The following POLL variants were observed in gnomAD, a reference collection of about 807,000 sequenced individuals.
POLL encodes the protein DNA polymerase lambda.
In POLL, 44 loss-of-function variants were observed where a neutral mutation model predicts 58.1. The ratio of observed to expected loss-of-function variants is 0.76; its 90% CI spans 0.60 to 0.97. The LOEUF (loss-of-function observed/expected upper bound fraction) is 0.97. Among genes scored for constraint, POLL ranks in the 50% least tolerant of loss-of-function variants. POLL has a pLI of 0.00. For missense variants in POLL, 632 were observed against 736.8 expected (o/e 0.86, Z 1.65); for synonymous variants, 290 against 283.2 (o/e 1.02, Z -0.24).
At position 101,583,670 on chromosome 10, in the gene POLL, A is replaced by G. The variant is rs529724242; in HGVS notation, c.903T>C (p.Ser301=). ...KPVTSYQEAC[S]IPGIGKRMAE... ...CCATCCGCTTCCCAATCCCAGGGAT[A>G]CTGCAGGCCTCCTAGAGGAGGAGGA... is the stretch of plus-strand genomic sequence containing the variant. The change falls in exon 6 of 9, where the codon AGT becomes AGC. Residue 301 remains serine, a synonymous_variant. Transcript: ENST00000370162. The G allele has an allele frequency of 6.2e-7, 1 of 1,614,100 alleles. No individual in the cohort carries two copies. Among genetic ancestry groups the G allele is most frequent in the Non-Finnish European group, 8.5e-7 (1 of 1,179,980 alleles).
chr10:101,579,928 GTGA>G lies in POLL; in HGVS notation c.1364-114_1364-112del. ...TGGGGCTTGCCCAGGTATTAGCTGG[GTGA>G]CACTACCCTCTCTGGGCCCTTCTCC... On this transcript the variant is annotated intron_variant, in intron 8 of 8. Transcript: ENST00000370162. This position sits in a 1 kb window ranked among gnomAD's most constrained non-coding sequence, Gnocchi z 4.4. 1 of 1,215,700 alleles carries G rather than the reference GTGA, an allele frequency of 8.2e-7. No homozygotes were observed. Among genetic ancestry groups the G allele is most frequent in the Non-Finnish European group, 1.1e-6 (1 of 879,310 alleles). The allele number at this position is 1,215,700 out of a possible 1,614,324, so 75.3% of individuals were successfully genotyped here.
chr10:101,579,718 C>T lies in POLL; in HGVS notation c.1463G>A (p.Arg488His), dbSNP rs373860780. ...RLPGPGRRHR[R>H]LDIIVVPYSE... ...ATAGGGCACCACGATGATGTCCAGGCGCCGGTGCCGCCGCCCTGGCCCTGG... is the reference window on the plus strand; with the variant it reads ...ATAGGGCACCACGATGATGTCCAGGTGCCGGTGCCGCCGCCCTGGCCCTGG... Residue 488 changes from arginine (R) to histidine (H), a missense_variant, in exon 9 of 9, where the codon CGC becomes CAC. Coordinates refer to ENST00000370162, the MANE Select transcript of POLL (RefSeq NM_001174084.2). This position sits in a 1 kb window ranked among gnomAD's most constrained non-coding sequence, Gnocchi z 4.4. 2.5e-5 allele frequency: 40 copies of T among 1,613,668 alleles called. No individual in the cohort carries two copies. Among genetic ancestry groups the T allele is most frequent in the South Asian group, 1.9e-4 (17 of 91,080 alleles).
At chr10:101,581,951 A>C (rs996769924) in intron 7 of POLL, 36 of 152,184 alleles carry the variant, frequency 2.4e-4, no homozygotes, top group African/African-American at 8.2e-4. Context: ...GATTATAGGC[A>C]TGAGCCACGG....
intron 5 of POLL, 62 bp downstream of exon 5, chr10:101,584,540 C>T (rs1001638682): frequency 2.4e-6 from 3 of 1,235,998 alleles, no homozygotes; most frequent in Admixed American, 2.5e-5. Context: ...TACCTGAACC[C>T]CACTGGGGTT....
chr10:101,588,021 T>G lies in POLL; in HGVS notation c.-246A>C. ...AGCTGCGGGTGAAGTCCCGGGCAGG[T>G]GCGGTGTACTCGCCGTGTACGCAGC... On this transcript the variant is annotated 5_prime_UTR_variant, in exon 1 of 9. Transcript: ENST00000370162. 1 of 1,374,012 alleles carries G rather than the reference T, an allele frequency of 7.3e-7. No individual in the cohort carries two copies. Among genetic ancestry groups the G allele is most frequent in the Non-Finnish European group, 9.6e-7 (1 of 1,044,140 alleles). 85.1% of individuals were successfully genotyped at this position (1,374,012 alleles called of 1,614,324 possible). A position where few individuals can be genotyped will look rare whatever the true frequency, so the allele number is the denominator to read the frequency against.
At position 101,585,331 on chromosome 10, in the gene POLL, T is replaced by C. The variant is rs1388281061; in HGVS notation, c.558A>G (p.Pro186=). The change falls in exon 4 of 9, where the codon CCA becomes CCG. Residue 186 remains proline (P), a synonymous_variant. Transcript: ENST00000370162. Reference sequence around the variant, plus strand: ...GGCTCCTGACCTGGGCTTGGGTGTTTGGTGCCTCTTTTGCCTTTTGGGGAG... The same window carrying C: ...GGCTCCTGACCTGGGCTTGGGTGTTCGGTGCCTCTTTTGCCTTTTGGGGAG... ...VSPPQKAKEA[P]NTQAQPISDD... The C allele has an allele frequency of 3.8e-6, 6 of 1,577,094 alleles. No individual in the cohort carries two copies. Among genetic ancestry groups the C allele is most frequent in the Non-Finnish European group, 8.6e-7 (1 of 1,162,592 alleles).
chr10:101,579,370 C>T lies in POLL; in HGVS notation c.*83G>A. On this transcript the variant is annotated 3_prime_UTR_variant, in exon 9 of 9. Transcript: ENST00000370162. The surrounding 1 kb of genome is among the most constrained non-coding windows in gnomAD (Gnocchi z 4.4). ...TGGTGGTTGGAGCGGCGAGGTTCAG[C>T]CAGCTGAGGCTGGAGGGAGTACTGG... 1.3e-6 allele frequency: 2 copies of T among 1,484,120 alleles called. No individual in the cohort carries two copies. The highest frequency in any genetic ancestry group is 2.3e-5 in the East Asian group (1 of 43,962). 91.9% of individuals were successfully genotyped at this position (1,484,120 alleles called of 1,614,324 possible). A position where few individuals can be genotyped will look rare whatever the true frequency, so the allele number is the denominator to read the frequency against.
chr10:101,587,503 G>C lies in POLL; in HGVS notation c.-46-97C>G, dbSNP rs936858955. On this transcript the variant is annotated intron_variant, in intron 1 of 8. Transcript: ENST00000370162. ...GCTTTGGGGGTAGCAGCCCAGTTTG[G>C]GGAAGCGGGTCGGGGGAGGGGGTCT... is the stretch of plus-strand genomic sequence containing the variant. 3.3e-6 allele frequency: 5 copies of C among 1,500,458 alleles called. No homozygotes were observed. In the African/African-American group the frequency reaches 7.0e-5, roughly 21 times the overall value. 92.9% of individuals were successfully genotyped at this position (1,500,458 alleles called of 1,614,324 possible).
In POLL at chr10:101,587,241, C is replaced by T. The variant is rs539496259; in HGVS notation, c.115+5G>A. Reference sequence around the variant, plus strand: ...CACGAGGGTTCTGAGACTGGGTCAGCTCACCTTCTGCTTCTTCTCCCTCTT... The same window carrying T: ...CACGAGGGTTCTGAGACTGGGTCAGTTCACCTTCTGCTTCTTCTCCCTCTT... On this transcript the variant is annotated splice_donor_5th_base_variant and intron_variant, in intron 2 of 8. Coordinates refer to ENST00000370162, the MANE Select transcript of POLL (RefSeq NM_001174084.2). 2 of 1,613,844 alleles carry T rather than the reference C, an allele frequency of 1.2e-6. No homozygotes were observed. The highest frequency in any genetic ancestry group is 2.2e-5 in the East Asian group (1 of 44,872).
chr10:101,587,136 C>A (rs536076023), intron 2 of POLL, 110 bp downstream of exon 2: 1 of 1,608,192 alleles, frequency 6.2e-7, no homozygotes, highest in African/African-American at 1.3e-5. Flanking sequence ...AGGCCCTGGA[C>A]AGGCAGAGTC....
rs200623399 is a variant in POLL, at chr10:101,582,831, C to T, written c.1126G>A (p.Gly376Ser). The T allele has an allele frequency of 1.2e-4, 196 of 1,614,076 alleles. 1 individual carries two copies. The highest frequency in any genetic ancestry group is 1.6e-4 in the Middle Eastern group (1 of 6,084). Reference sequence around the variant, plus strand: ...AGGAAGTCACTGTAATGCTTCAGGCCGATGGCCTGCTGGGTTGTCAGGGAG... The same window carrying T: ...AGGAAGTCACTGTAATGCTTCAGGCTGATGGCCTGCTGGGTTGTCAGGGAG... Reference protein sequence around the residue: ...QASLTTQQAIGLKHYSDFLER... With the variant: ...QASLTTQQAISLKHYSDFLER... The change falls in exon 7 of 9, where the codon GGC becomes AGC. Residue 376 changes from glycine (G) to serine (S), a missense_variant. Physicochemically the swap from Gly to Ser is moderately conservative, Grantham distance 56. Transcript: ENST00000370162.
chr10:101,587,668 CAG>C, intron 1 of POLL, 152 bp downstream of exon 1: 1 of 970,398 alleles, frequency 1.0e-6, no homozygotes, highest in East Asian at 5.1e-5. Flanking sequence ...CACCATTCCT[CAG>C]AGGGGTTGCG....
chr10:101,582,975 T>A (rs779448735), intron 6 of POLL, 84 bp from the exon 7 acceptor site: 3 of 1,557,594 alleles, frequency 1.9e-6, no homozygotes, highest in South Asian at 2.2e-5. Flanking sequence ...AAGGCTTCCA[T>A]CGCCCCAGAC....
chr10:101,587,546 C>T lies in POLL; in HGVS notation c.-46-140G>A, dbSNP rs2063450844. ...GGGGGTCTCTTCAAACCCGGTTAAA[C>T]TTCAGTGGTTTAGCCTAGCTTCACA... is the stretch of plus-strand genomic sequence containing the variant. On this transcript the variant is annotated intron_variant, in intron 1 of 8. Transcript: ENST00000370162. 2.8e-6 allele frequency: 4 copies of T among 1,453,398 alleles called. No individual in the cohort carries two copies. The African/African-American group carries it at 4.3e-5, about 15-fold the overall frequency. 90.0% of individuals were successfully genotyped at this position (1,453,398 alleles called of 1,614,324 possible).
chr10:101,585,081 G>A (rs748185251), intron 4 of POLL, among the ~76,000 whole-genome samples, 162 bp from the exon 5 acceptor site: 1 of 152,190 alleles, frequency 6.6e-6, no homozygotes. Flanking sequence ...TTGGGTGTGA[G>A]GCCACGTTCC....
chr10:101,579,795 C>T lies in POLL; in HGVS notation c.1386G>A (p.Val462=). ...RQEGFLTDDL[V]SQEENGQQQK... is the part of the protein sequence containing the mutation. ...GTTGCTGACCATTCTCCTCTTGGCT[C>T]ACCAAGTCATCTGTGAGGAACCCTG... Residue 462 remains valine, a synonymous_variant, in exon 9 of 9, where the codon GTG becomes GTA. Transcript: ENST00000370162. This position sits in a 1 kb window ranked among gnomAD's most constrained non-coding sequence, Gnocchi z 4.4. The T allele has an allele frequency of 6.2e-7, 1 of 1,613,318 alleles. No individual in the cohort carries two copies. Among genetic ancestry groups the T allele is most frequent in the Non-Finnish European group, 8.5e-7 (1 of 1,179,700 alleles).
In POLL at chr10:101,588,145, G is replaced by A. The variant is rs539201532; in HGVS notation, c.-370C>T. ...TCCAACCCCCAGAGTCGGTCCCCGG[G>A]TGGGGTCGACTACTGGCCAAGCTAG... On this transcript the variant is annotated 5_prime_UTR_variant, in exon 1 of 9. Transcript: ENST00000370162. The A allele has an allele frequency of 2.0e-6, 3 of 1,518,168 alleles. No homozygotes were observed. Among genetic ancestry groups the A allele is most frequent in the Non-Finnish European group, 2.6e-6 (3 of 1,134,944 alleles). The allele number at this position is 1,518,168 out of a possible 1,614,324, so 94.0% of individuals were successfully genotyped here. A position where few individuals can be genotyped will look rare whatever the true frequency, so the allele number is the denominator to read the frequency against.
rs1403831444 is a variant in POLL, at chr10:101,579,442, C to T, written c.*11G>A. On this transcript the variant is annotated 3_prime_UTR_variant, in exon 9 of 9. Transcript: ENST00000370162. The surrounding 1 kb of genome is among the most constrained non-coding windows in gnomAD (Gnocchi z 4.4). The stretch of plus-strand genomic sequence containing the variant: ...TCCAACTCGGCTCTCCTCAGCACCC[C>T]CAGCCATGGGTCACCAGTCCCGCTC... 1 of 1,593,934 alleles carries T rather than the reference C, an allele frequency of 6.3e-7. No homozygotes were observed. The highest frequency in any genetic ancestry group is 8.5e-7 in the Non-Finnish European group (1 of 1,171,368).
rs1325731694 is a variant in POLL, at chr10:101,584,662, C to T, written c.831G>A (p.Leu277=). 1.2e-6 allele frequency: 2 copies of T among 1,612,848 alleles called. No homozygotes were observed. Among genetic ancestry groups the T allele is most frequent in the Admixed American group, 1.7e-5 (1 of 59,842 alleles). ...YSVQGDKWRA[L]GYAKAINALK... The stretch of plus-strand genomic sequence containing the variant: ...GGGCATTGATGGCCTTGGCATAGCC[C>T]AGGGCCCTCCACTTGTCTCCCTGAA... The change falls in exon 5 of 9, where the codon CTG becomes CTA. Residue 277 remains leucine, a synonymous_variant. Transcript: ENST00000370162.
Sources: allele counts gnomAD v4.1 joint callset (sites outside exome capture counted in the v4.1 genomes callset), GRCh38; gene constraint gnomAD v4.1.1; non-coding constraint Gnocchi (gnomAD v3.1); transcripts MANE v1.5; gene names NCBI Gene and HGNC (gene_info 2026-07-23, HGNC 2026-07-21).